MAPRE2: variants seen among roughly 807,000 people sequenced by gnomAD.
The protein encoded by MAPRE2 is microtubule-associated protein RP/EB family member 2.
In MAPRE2, 13 loss-of-function variants were observed where a neutral mutation model predicts 43.2. That is an observed-to-expected ratio of 0.30 (90% CI 0.20 to 0.48). MAPRE2 has a LOEUF of 0.48. Among genes scored for constraint, MAPRE2 ranks in the 20% least tolerant of loss-of-function variants. MAPRE2 has a pLI of 0.99. For synonymous variants in MAPRE2, 135 were observed against 148.8 expected (o/e 0.91, Z 0.68); for missense variants, 161 against 400.2 (o/e 0.40, Z 5.10).
chr18:35,122,352 C>T (rs927108013), intron 4 of MAPRE2, among the ~76,000 whole-genome samples: 16 of 152,160 alleles, frequency 1.1e-4, no homozygotes, highest in African/African-American at 3.9e-4. Flanking sequence ...TTACCCAAAC[C>T]TCGGAAGATA....
At position 35,011,202 on chromosome 18, in the gene MAPRE2, C is replaced by A. The variant is rs1039560472; in HGVS notation, c.-8+5649C>A. On this transcript the variant is annotated intron_variant, in intron 2 of 7. Coordinates refer to the MAPRE2 transcript ENST00000413393. ...AGGATGCCGTGGGAGTCCTCAGCAG[C>A]AACAGCTAAGCCAGAACTGGTGTGC... is the stretch of plus-strand genomic sequence containing the variant. 5.9e-5 allele frequency among the ~76,000 whole-genome samples: 9 copies of A among 152,218 alleles called. No homozygotes were observed. In the East Asian group the frequency reaches 1.4e-3, roughly 23 times the overall value.
chr18:34,978,475 G>A, intron 1 of MAPRE2: 1 of 1,545,950 alleles, frequency 6.5e-7, no homozygotes, highest in Non-Finnish European at 8.8e-7. Context: ...CTTCTAATCT[G>A]AGGACCCGCG....
chr18:35,079,311 A>T (rs1298257282), intron 2 of MAPRE2, among the ~76,000 whole-genome samples: 1 of 152,208 alleles, frequency 6.6e-6, no homozygotes, highest in African/African-American at 2.4e-5. Flanking sequence ...GTTCCCACAA[A>T]GGATTTACTT....
At chr18:35,014,808 G>A (rs549764379) in intron 2 of MAPRE2, among the ~76,000 whole-genome samples, 1 of 152,148 alleles carries the variant, frequency 6.6e-6, no homozygotes, top group African/African-American at 2.4e-5. Flanking sequence ...TGGCCCCAGG[G>A]ACAAGCACTG....
chr18:35,045,199 A>G (rs1905559390), intron 1 of MAPRE2, among the ~76,000 whole-genome samples: 1 of 152,216 alleles, frequency 6.6e-6, no homozygotes, highest in African/African-American at 2.4e-5. Flanking sequence ...GGGCCATCCG[A>G]GGTGACACTG....
intron 2 of MAPRE2, among the ~76,000 whole-genome samples, chr18:35,008,139 C>A (rs919896271): frequency 6.6e-6 from 1 of 152,072 alleles, no homozygotes; most frequent in Non-Finnish European, 1.5e-5. Context: ...CAAATCTGTT[C>A]CTGCACCACA....
At chr18:35,126,607 TTTTAAG>T (rs1439593783) in intron 4 of MAPRE2, among the ~76,000 whole-genome samples, 1 of 152,246 alleles carries the variant, frequency 6.6e-6, no homozygotes, top group Admixed American at 6.5e-5. Context: ...AGGGTGATAC[TTTTAAG>T]TTTATCTAAA....
rs142192198 is a variant in MAPRE2, at chr18:35,116,089, G to T, written c.611-10859G>T. 5.4e-3 allele frequency among the ~76,000 whole-genome samples: 830 copies of T among 152,308 alleles called. 6 individuals carry two copies. Among genetic ancestry groups the T allele is most frequent in the African/African-American group, 0.016 (649 of 41,570 alleles). On this transcript the variant is annotated intron_variant, in intron 4 of 6. Coordinates refer to ENST00000300249, the MANE Select transcript of MAPRE2 (RefSeq NM_014268.4). ...AAAATCTGACAATAAATAGGCAATA[G>T]TAATAGAGGCGAGTTCCTTCAGCAT...
rs147607917 is a variant in MAPRE2 at position 35,057,063 on chromosome 18, G to T, written c.123-13132G>T. Reference sequence around the variant, plus strand: ...GAGTTTCACTCTTGTTGCCCAGGCTGGTGTGCAATGGCGCAATCTCAGCTC... The same window carrying T: ...GAGTTTCACTCTTGTTGCCCAGGCTTGTGTGCAATGGCGCAATCTCAGCTC... On this transcript the variant is annotated intron_variant, in intron 1 of 6. Transcript: ENST00000300249. 6.8e-3 allele frequency among the ~76,000 whole-genome samples: 1,036 copies of T among 152,244 alleles called. 12 individuals are homozygous for T. Among genetic ancestry groups the T allele is most frequent in the African/African-American group, 0.023 (970 of 41,554 alleles).
intron 1 of MAPRE2, among the ~76,000 whole-genome samples, chr18:35,063,012 G>C (rs184879045): frequency 6.6e-6 from 1 of 152,152 alleles, no homozygotes; most frequent in Non-Finnish European, 1.5e-5. Context: ...AAGAAAGACA[G>C]TCACACATAT....
At chr18:35,057,944 A>G (rs1468770487) in intron 1 of MAPRE2, among the ~76,000 whole-genome samples, 1 of 152,210 alleles carries the variant, frequency 6.6e-6, no homozygotes, top group Admixed American at 6.5e-5. Context: ...AATGACCAAA[A>G]TTTCCATTTG....
At chr18:34,990,514 A>AT (rs1017498850) in intron 1 of MAPRE2, among the ~76,000 whole-genome samples, 8 of 151,908 alleles carry the variant, frequency 5.3e-5, no homozygotes, top group African/African-American at 9.7e-5. Flanking sequence ...AATGTAGGTC[A>AT]TTTTTTTTCA....
chr18:35,055,551 GTGTGTGTGTGTGTA>G (rs910195941), intron 1 of MAPRE2, among the ~76,000 whole-genome samples: 15 of 148,828 alleles, frequency 1.0e-4, no homozygotes, highest in Non-Finnish European at 2.1e-4. Context: ...GTGTGTGTGT[GTGTGTGTGTGTGTA>G]TGTGTGTGTG....
Position 35,132,001 on chromosome 18 carries a change from G to GTTT in MAPRE2, c.751-25_751-23dup. ...CATGTCTTATACTATATTTTGGGTG[G>GTTT]TTTTTTTTCTTCACTCTCACTCCCT... On this transcript the variant is annotated intron_variant, in intron 5 of 6. Coordinates refer to ENST00000300249, the MANE Select transcript of MAPRE2 (RefSeq NM_014268.4). 5.0e-6 allele frequency: 8 copies of GTTT among 1,607,134 alleles called. No homozygotes were observed. In the South Asian group the frequency reaches 7.7e-5, roughly 16 times the overall value.
At chr18:35,100,914 C>G (rs563177934) in intron 3 of MAPRE2, among the ~76,000 whole-genome samples, 1 of 152,250 alleles carries the variant, frequency 6.6e-6, no homozygotes, top group African/African-American at 2.4e-5. Flanking sequence ...TGGTGCATGC[C>G]TGTAATCCCA....
chr18:35,022,248 C>A (rs1269133102), intron 2 of MAPRE2, among the ~76,000 whole-genome samples: 3 of 151,972 alleles, frequency 2.0e-5, no homozygotes, highest in Admixed American at 6.6e-5. Context: ...ATGAAAGAAT[C>A]CAATTACAAG....
intron 2 of MAPRE2, among the ~76,000 whole-genome samples, chr18:35,022,403 AAG>A (rs2150588220): frequency 3.3e-5 from 1 of 30,668 alleles, no homozygotes; most frequent in African/African-American, 6.7e-5. Flanking sequence ...TTTTTATCAT[AAG>A]ATAACGGTAT....
At chr18:35,033,702 A>G (rs1441263122) in intron 2 of MAPRE2, among the ~76,000 whole-genome samples, 1 of 151,134 alleles carries the variant, frequency 6.6e-6, no homozygotes, top group Admixed American at 6.6e-5. Context: ...AATCACAAGC[A>G]TTCTTATACA....
chr18:35,090,174 T>G (rs935787810), intron 2 of MAPRE2, among the ~76,000 whole-genome samples: 10 of 150,734 alleles, frequency 6.6e-5, no homozygotes, highest in Non-Finnish European at 1.2e-4. Context: ...GTAAGAAGGG[T>G]TTTTTTTTGG....
Sources: gnomAD v4.1 joint callset for allele counts (sites outside exome capture counted in the v4.1 genomes callset) on GRCh38, gnomAD v4.1.1 for gene constraint, MANE v1.5 for transcripts, NCBI Gene and HGNC (gene_info 2026-07-23, HGNC 2026-07-21) for gene names.